The following TENM2 variants were observed in gnomAD, a reference collection of about 807,000 sequenced individuals.
TENM2 encodes teneurin-2.
Under a neutral mutation model 245.2 loss-of-function variants are expected in TENM2, and 52 were observed. The observed-to-expected ratio is 0.21, with a 90% CI of 0.17 to 0.27. The LOEUF is 0.27. Ranked by LOEUF, TENM2 falls within the 10% of genes least tolerant of loss-of-function variation. The pLI is 1.00. For synonymous variants in TENM2, 1,363 were observed against 1,438.9 expected, an observed-to-expected ratio of 0.95 and a Z score of 1.19; for missense variants, 3,046 against 3,666.8, an observed-to-expected ratio of 0.83 and a Z score of 4.37.
the TENM2 span, among the ~76,000 whole-genome samples, chr5:167,159,846 ACT>A: frequency 1.3e-5 from 2 of 152,122 alleles, no homozygotes; most frequent in Admixed American, 6.6e-5. Flanking sequence ...GCCCGCTCCC[ACT>A]TGTCATTGGA....
In TENM2 at chr5:168,247,892, A is replaced by G. The variant is rs753773810; in HGVS notation, c.6953A>G (p.His2318Arg). 1.2e-6 allele frequency: 2 copies of G among 1,613,790 alleles called. No individual in the cohort carries two copies. Among genetic ancestry groups the G allele is most frequent in the Non-Finnish European group, 1.7e-6 (2 of 1,179,884 alleles). The stretch of plus-strand genomic sequence containing the variant: ...TCCTACAAGACCAACCTGGGCCACC[A>G]CCTGCAGTACTTCTACTCTGACCTC... The change falls in exon 27 of 29, where the codon CAC (histidine) becomes CGC (arginine). Residue 2318 changes from histidine (H) to arginine (R), a missense_variant. Physicochemically the swap from His to Arg is conservative, Grantham distance 29. Coordinates refer to ENST00000518659, the Ensembl canonical transcript of TENM2. This position sits in a 1 kb window ranked among gnomAD's most constrained non-coding sequence, Gnocchi z 7.8.
intron 2 of TENM2, among the ~76,000 whole-genome samples, chr5:167,627,668 C>T (rs549310056): frequency 2.8e-4 from 43 of 152,018 alleles, no homozygotes; most frequent in African/African-American, 9.7e-4. Context: ...AGTGATTCTC[C>T]TGCCTCAGTC....
chr5:167,673,737 G>T (rs1267556768), intron 2 of TENM2, among the ~76,000 whole-genome samples: 2 of 151,606 alleles, frequency 1.3e-5, no homozygotes, highest in Non-Finnish European at 1.5e-5. Context: ...GAACCCTAGG[G>T]ACACCTTTTC....
At chr5:167,302,924 G>C (rs1043828877) in intron 1 of TENM2, among the ~76,000 whole-genome samples, 1 of 152,260 alleles carries the variant, frequency 6.6e-6, no homozygotes, top group Middle Eastern at 3.4e-3. Flanking sequence ...CCAAGGGAAG[G>C]CTGCCTTCCC....
intron 3 of TENM2, among the ~76,000 whole-genome samples, chr5:167,951,594 G>A (rs1393185474): frequency 1.3e-5 from 2 of 152,108 alleles, no homozygotes; most frequent in Admixed American, 6.5e-5. Flanking sequence ...TGTTTTTCCT[G>A]CAAGGATAGA....
chr5:167,630,814 T>C (rs1299059664), intron 2 of TENM2, among the ~76,000 whole-genome samples: 2 of 152,232 alleles, frequency 1.3e-5, no homozygotes, highest in Non-Finnish European at 2.9e-5. Context: ...CTTGGAGCTA[T>C]ATCTGTGCAT....
intron 2 of TENM2, among the ~76,000 whole-genome samples, chr5:167,647,498 CT>C (rs1780040207): frequency 6.6e-6 from 1 of 151,982 alleles, no homozygotes; most frequent in Non-Finnish European, 1.5e-5. Context: ...TGGTGAGTGC[CT>C]GTAGTCCCAC....
At chr5:167,103,806 C>T in the TENM2 span, among the ~76,000 whole-genome samples, 3 of 152,068 alleles carry the variant, frequency 2.0e-5, no homozygotes, top group African/African-American at 7.2e-5. Flanking sequence ...CATGTCAAAT[C>T]CTGCAGATCC....
At chr5:167,415,147 C>G (rs2127412334) in intron 2 of TENM2, among the ~76,000 whole-genome samples, 1 of 152,178 alleles carries the variant, frequency 6.6e-6, no homozygotes, top group African/African-American at 2.4e-5. Flanking sequence ...GCAAAGTTGG[C>G]TGACAGGTCC....
At chr5:167,937,194 T>C (rs748473406) in intron 3 of TENM2, among the ~76,000 whole-genome samples, 2 of 152,212 alleles carry the variant, frequency 1.3e-5, no homozygotes, top group Non-Finnish European at 2.9e-5. Context: ...TTAACTCTAG[T>C]CATTCCTGCT....
At chr5:167,191,828 AC>A in the TENM2 span, among the ~76,000 whole-genome samples, 1 of 151,962 alleles carries the variant, frequency 6.6e-6, no homozygotes, top group Non-Finnish European at 1.5e-5. Flanking sequence ...ACATAGTGAG[AC>A]TCAAAACTTG....
chr5:168,124,874 C>G (rs778535321), exon 11 of TENM2: 29 of 1,612,568 alleles, frequency 1.8e-5, no homozygotes, highest in Non-Finnish European at 2.4e-5. Flanking sequence ...CCCACCTGCT[C>G]CAGCCACGGA....
intron 2 of TENM2, among the ~76,000 whole-genome samples, chr5:167,862,776 C>G (rs1032887637): frequency 3.3e-5 from 5 of 152,204 alleles, no homozygotes; most frequent in Admixed American, 2.6e-4. Context: ...GAGGAAGATG[C>G]AATTCGGGTT....
chr5:167,794,490 A>C (rs1765190608), intron 2 of TENM2, among the ~76,000 whole-genome samples: 1 of 152,236 alleles, frequency 6.6e-6, no homozygotes, highest in East Asian at 1.9e-4. Context: ...CATGATTGGC[A>C]ATGATTCAGT....
rs550587486 is a variant in TENM2 at position 167,474,516 on chromosome 5, A to C, written c.502+99043A>C. 1.1e-3 allele frequency among the ~76,000 whole-genome samples: 120 copies of C among 108,974 alleles called. 4 individuals are homozygous for C. The East Asian group carries it at 0.023, about 21-fold the overall frequency. The allele number at this position is 108,974 out of a possible 152,430, so 71.5% of individuals were successfully genotyped here. A position where few individuals can be genotyped will look rare whatever the true frequency, so the allele number is the denominator to read the frequency against. The stretch of plus-strand genomic sequence containing the variant: ...TACTAGACTGTTTTTTTAAATAAGT[A>C]GACTTTTTTTTTTTTGAGACGGAGT... On this transcript the variant is annotated intron_variant, in intron 2 of 28. Transcript: ENST00000518659.
At chr5:167,811,828 A>T (rs1246594595) in intron 2 of TENM2, among the ~76,000 whole-genome samples, 1 of 152,162 alleles carries the variant, frequency 6.6e-6, no homozygotes, top group Non-Finnish European at 1.5e-5. Context: ...AAGAGAGATG[A>T]GCAAATACTA....
the TENM2 span, among the ~76,000 whole-genome samples, chr5:166,982,309 C>T: frequency 6.6e-6 from 1 of 152,030 alleles, no homozygotes. Context: ...TGTGTGAATC[C>T]TTTATTATGC....
chr5:166,990,911 T>A, the TENM2 span, among the ~76,000 whole-genome samples: 1 of 152,102 alleles, frequency 6.6e-6, no homozygotes, highest in Non-Finnish European at 1.5e-5. Flanking sequence ...GGTGTAAAAG[T>A]CTGAAAATTG....
chr5:168,205,061 A>G (rs1762249335), intron 19 of TENM2, among the ~76,000 whole-genome samples: 1 of 152,180 alleles, frequency 6.6e-6, no homozygotes, highest in Non-Finnish European at 1.5e-5. Context: ...TTTGCTGTGT[A>G]ATTTCTGGCC....
Sources: gnomAD v4.1 joint callset for allele counts (sites outside exome capture counted in the v4.1 genomes callset) on GRCh38, gnomAD v4.1.1 for gene constraint, Gnocchi (gnomAD v3.1) non-coding constraint, MANE v1.5 for transcripts, NCBI Gene and HGNC (gene_info 2026-07-23, HGNC 2026-07-21) for gene names.